Variants in RPS6KA2 observed in about 807,000 individuals in gnomAD.
RPS6KA2 encodes ribosomal protein S6 kinase A2, also known as ribosomal protein S6 kinase alpha-2.
RPS6KA2 carries 42 observed loss-of-function variants against 91.8 expected under a neutral mutation model. The observed-to-expected ratio is 0.46, with a 90% CI of 0.36 to 0.59. The LOEUF is 0.59. RPS6KA2 is among the 20% of genes least tolerant of loss of function. The pLI is 0.00. For missense variants in RPS6KA2, 798 were observed against 978.5 expected, an observed-to-expected ratio of 0.82 and a Z score of 2.46; for synonymous variants, 414 against 393.6, an observed-to-expected ratio of 1.05 and a Z score of -0.61.
In RPS6KA2 at chr6:166,500,942, AAAAC is replaced by A; in HGVS notation, c.567-22_567-19del. The A allele has an allele frequency of 6.2e-7, 1 of 1,612,654 alleles. No individual in the cohort carries two copies. Among genetic ancestry groups the A allele is most frequent in the East Asian group, 2.2e-5 (1 of 44,858 alleles). On this transcript the variant is annotated intron_variant, in intron 6 of 20. Transcript: ENST00000265678. This position sits in a 1 kb window ranked among gnomAD's most constrained non-coding sequence, Gnocchi z 4.3. ...GGAGGATGCTAAAAGAAAGGGAGAG[AAAAC>A]AGATGCTTTAGAAAGAGACCCAGCC...
rs190709165 is a variant in RPS6KA2 at position 166,693,716 on chromosome 6, A to G, written c.124-154932T>C. On this transcript the variant is annotated intron_variant, in intron 2 of 21. Transcript: ENST00000503859. ...GTGAATACAGTGTGCCACCAATTTG[A>G]AACTCTAGCCGTGTCCACTAGGTTT... is the stretch of plus-strand genomic sequence containing the variant. Among the ~76,000 whole-genome samples the G allele has an allele frequency of 6.0e-3, 913 of 152,314 alleles. 16 individuals carry two copies. Among genetic ancestry groups the G allele is most frequent in the African/African-American group, 0.019 (782 of 41,558 alleles).
chr6:166,434,310 T>C lies in RPS6KA2; in HGVS notation c.1333-1820A>G, dbSNP rs1779226050. On this transcript the variant is annotated intron_variant, in intron 14 of 20. Coordinates refer to ENST00000265678, the MANE Select transcript of RPS6KA2 (RefSeq NM_021135.6). This position sits in a 1 kb window ranked among gnomAD's most constrained non-coding sequence, Gnocchi z 4.4. ...ACAGGCAGAAGAGTTAGGGTCCCTT[T>C]CTGGACATAGAATTTCTCTCCTTCT... is the stretch of plus-strand genomic sequence containing the variant. Among the ~76,000 whole-genome samples the C allele has an allele frequency of 6.6e-6, 1 of 152,238 alleles. No homozygotes were observed. The highest frequency in any genetic ancestry group is 1.5e-5 in the Non-Finnish European group (1 of 68,042).
chr6:166,587,764 C>T (rs934909817), intron 1 of RPS6KA2, among the ~76,000 whole-genome samples: 6 of 152,046 alleles, frequency 3.9e-5, no homozygotes, highest in East Asian at 1.9e-4. Flanking sequence ...CAGCTGAAGG[C>T]GCTGAAACTA....
rs566981288 is a variant in RPS6KA2 at position 166,725,833 on chromosome 6, G to A, written c.123+132367C>T. Reference sequence around the variant, plus strand: ...TATGCCGGGCAGGGAGGCTCCTGGCGGCGCAGGCCCAGAGGGAAAGCAGTG... The same window carrying A: ...TATGCCGGGCAGGGAGGCTCCTGGCAGCGCAGGCCCAGAGGGAAAGCAGTG... On this transcript the variant is annotated intron_variant, in intron 2 of 21. Transcript: ENST00000503859. 8.0e-4 allele frequency among the ~76,000 whole-genome samples: 122 copies of A among 152,332 alleles called. 1 individual carries two copies. The highest frequency in any genetic ancestry group is 6.8e-3 in the Middle Eastern group (2 of 294).
intron 12 of RPS6KA2, among the ~76,000 whole-genome samples, chr6:166,455,523 C>T (rs1417333060): frequency 2.6e-5 from 4 of 152,196 alleles, no homozygotes; most frequent in East Asian, 1.9e-4. Flanking sequence ...GATGCCCACG[C>T]GACCCCTGGA....
At chr6:166,536,563 C>A (rs979697068) in intron 2 of RPS6KA2, among the ~76,000 whole-genome samples, 1 of 152,174 alleles carries the variant, frequency 6.6e-6, no homozygotes, top group African/African-American at 2.4e-5. Flanking sequence ...GTCTGAGCAA[C>A]GCTTTTGAGA....
intron 1 of RPS6KA2, among the ~76,000 whole-genome samples, chr6:166,566,454 T>C (rs1368195355): frequency 1.3e-5 from 2 of 152,188 alleles, no homozygotes; most frequent in African/African-American, 4.8e-5. Context: ...GTGCCACAGG[T>C]CTGCCCATCC....
chr6:166,649,168 A>G (rs940213253), intron 2 of RPS6KA2, among the ~76,000 whole-genome samples: 5 of 152,260 alleles, frequency 3.3e-5, no homozygotes, highest in Middle Eastern at 3.4e-3. Context: ...CACCAAACCC[A>G]GCAGGACCAG....
rs557772344 is a variant in RPS6KA2 at position 166,851,416 on chromosome 6, G to A, written c.123+6784C>T. Reference sequence around the variant, plus strand: ...CAGAAGGTGATTCTTGGCTGTGATCGGATGAGCACAATTTTTTTCTGGAGA... The same window carrying A: ...CAGAAGGTGATTCTTGGCTGTGATCAGATGAGCACAATTTTTTTCTGGAGA... On this transcript the variant is annotated intron_variant, in intron 2 of 21. Coordinates refer to the RPS6KA2 transcript ENST00000503859. Among the ~76,000 whole-genome samples, 502 of 152,284 alleles carry A rather than the reference G, an allele frequency of 3.3e-3. 4 individuals carry two copies. Among genetic ancestry groups the A allele is most frequent in the African/African-American group, 0.011 (459 of 41,562 alleles).
In RPS6KA2 at chr6:166,603,789, T is replaced by C. The variant is rs1785838654; in HGVS notation, c.99+23132A>G. ...ATGGCTGTGGCCCAGGTGTATCAAA[T>C]AAATGCCCCCGTACTGTTGTTTGCG... On this transcript the variant is annotated intron_variant, in intron 1 of 20. Coordinates refer to ENST00000265678, the MANE Select transcript of RPS6KA2 (RefSeq NM_021135.6). The surrounding 1 kb of genome is among the most constrained non-coding windows in gnomAD (Gnocchi z 4.3). 6.6e-6 allele frequency among the ~76,000 whole-genome samples: 1 copy of C among 152,148 alleles called. No homozygotes were observed. Among genetic ancestry groups the C allele is most frequent in the South Asian group, 2.1e-4 (1 of 4,836 alleles).
intron 1 of RPS6KA2, among the ~76,000 whole-genome samples, chr6:166,540,492 T>C (rs1244179185): frequency 1.3e-5 from 2 of 152,134 alleles, no homozygotes; most frequent in Non-Finnish European, 2.9e-5. Context: ...ATAGCCAAAA[T>C]TGACTCTGTT....
intron 1 of RPS6KA2, among the ~76,000 whole-genome samples, chr6:166,588,925 C>T (rs938589834): frequency 1.3e-5 from 2 of 152,164 alleles, no homozygotes; most frequent in African/African-American, 2.4e-5. Flanking sequence ...GGAACACTGT[C>T]GCTTTCTCAG....
Position 166,834,828 on chromosome 6 carries a change from CTATTATT to C in RPS6KA2, c.123+23365_123+23371del, listed in dbSNP as rs1420589476. Among the ~76,000 whole-genome samples the C allele has an allele frequency of 1.3e-3, 186 of 144,688 alleles. 1 individual carries two copies. Among genetic ancestry groups the C allele is most frequent in the South Asian group, 6.6e-3 (29 of 4,364 alleles). 94.9% of individuals were successfully genotyped at this position (144,688 alleles called of 152,430 possible). On this transcript the variant is annotated intron_variant, in intron 2 of 21. Coordinates refer to the RPS6KA2 transcript ENST00000503859. ...AGGAGTCTTTAGTTTGTATGGCGTC[CTATTATT>C]TATTTATTTATTTATTTATTTATTT...
chr6:166,707,025 T>C (rs1388492043), intron 2 of RPS6KA2, among the ~76,000 whole-genome samples: 1 of 152,120 alleles, frequency 6.6e-6, no homozygotes, highest in Non-Finnish European at 1.5e-5. Context: ...TTACTCAAAA[T>C]AGAACAAAGT....
intron 2 of RPS6KA2, among the ~76,000 whole-genome samples, chr6:166,809,227 TGCAA>T (rs1779571250): frequency 6.6e-6 from 1 of 152,186 alleles, no homozygotes; most frequent in African/African-American, 2.4e-5. Flanking sequence ...GCTAAAGGCC[TGCAA>T]GTAGAAATTT....
chr6:166,465,088 G>T (rs1402451128), intron 11 of RPS6KA2, among the ~76,000 whole-genome samples: 1 of 152,244 alleles, frequency 6.6e-6, no homozygotes, highest in East Asian at 1.9e-4. Flanking sequence ...TATTTTCCCA[G>T]TTGGATCCTG....
intron 2 of RPS6KA2, among the ~76,000 whole-genome samples, chr6:166,748,095 G>A (rs1449659495): frequency 1.3e-5 from 2 of 152,196 alleles, no homozygotes; most frequent in Non-Finnish European, 2.9e-5. Flanking sequence ...CAGGGTGAAC[G>A]AGACTTATCC....
At chr6:166,413,970 A>G in intron 19 of RPS6KA2, 39 bp from the exon 20 acceptor site, 1 of 1,603,202 alleles carries the variant, frequency 6.2e-7, no homozygotes, top group Non-Finnish European at 8.5e-7. Flanking sequence ...GGATGGTTGG[A>G]TCATTTGTGC....
At chr6:166,470,519 T>TA (rs1344685035) in intron 10 of RPS6KA2, among the ~76,000 whole-genome samples, 9 of 152,228 alleles carry the variant, frequency 5.9e-5, no homozygotes, top group Admixed American at 1.3e-4. Flanking sequence ...CCTCCTCCCT[T>TA]ACTTTGTTGC....
Sources: gnomAD v4.1 joint callset for allele counts (sites outside exome capture counted in the v4.1 genomes callset) on GRCh38, gnomAD v4.1.1 for gene constraint, Gnocchi (gnomAD v3.1) non-coding constraint, MANE v1.5 for transcripts, NCBI Gene and HGNC (gene_info 2026-07-23, HGNC 2026-07-21) for gene names.